The following KLHL29 variants were observed in gnomAD, a reference collection of about 807,000 sequenced individuals.
The protein encoded by KLHL29 is kelch like family member 29.
In KLHL29, 21 loss-of-function variants were observed where a neutral mutation model predicts 80.4. That is an observed-to-expected ratio of 0.26 (90% CI 0.19 to 0.38). The LOEUF (loss-of-function observed/expected upper bound fraction) is 0.38, where lower values mean the gene tolerates loss of function less well. KLHL29 is among the 10% of genes least tolerant of loss of function. The pLI is 1.00. For missense variants in KLHL29, 867 were observed against 1,223.9 expected (o/e 0.71, Z 4.35); for synonymous variants, 511 against 526.8 (o/e 0.97, Z 0.41).
intron 1 of KLHL29, among the ~76,000 whole-genome samples, chr2:23,397,523 C>T (rs951049734): frequency 6.6e-6 from 1 of 152,178 alleles, no homozygotes; most frequent in African/African-American, 2.4e-5. Flanking sequence ...GCCTGGTCTC[C>T]GGAAACATTT....
intron 5 of KLHL29, among the ~76,000 whole-genome samples, chr2:23,648,991 T>C (rs564378466): frequency 8.5e-5 from 13 of 152,366 alleles, no homozygotes; most frequent in African/African-American, 3.1e-4. Context: ...ATAATGTATG[T>C]AAAGTCTTAA....
At chr2:23,538,935 T>G (rs1441486847) in intron 2 of KLHL29, among the ~76,000 whole-genome samples, 1 of 152,264 alleles carries the variant, frequency 6.6e-6, no homozygotes, top group Non-Finnish European at 1.5e-5. Flanking sequence ...TTCAGAATTG[T>G]TCTTTAAAAA....
chr2:23,700,791 C>T lies in KLHL29; in HGVS notation c.2106-2395C>T, dbSNP rs1267484246. Among the ~76,000 whole-genome samples, 2 of 152,312 alleles carry T rather than the reference C, an allele frequency of 1.3e-5. No homozygotes were observed. The highest frequency in any genetic ancestry group is 3.9e-4 in the East Asian group (2 of 5,182). On this transcript the variant is annotated intron_variant, in intron 11 of 13. Coordinates refer to ENST00000486442, the MANE Select transcript of KLHL29 (RefSeq NM_052920.2). The surrounding 1 kb of genome is among the most constrained non-coding windows in gnomAD (Gnocchi z 4.6). ...AGTGCCCTTGACTACAGAGCAGTGG[C>T]CTGCTGGAGATTCCATCCTCCATCC...
intron 5 of KLHL29, among the ~76,000 whole-genome samples, chr2:23,665,630 C>T (rs999425761): frequency 2.0e-5 from 3 of 152,314 alleles, no homozygotes; most frequent in African/African-American, 7.2e-5. Flanking sequence ...GGAAGCATGG[C>T]ACCAGCATCT....
chr2:23,673,652 A>G (rs1670838221), intron 5 of KLHL29, among the ~76,000 whole-genome samples: 2 of 150,894 alleles, frequency 1.3e-5, no homozygotes, highest in African/African-American at 2.4e-5. Flanking sequence ...ACACCCCTAC[A>G]CAGACACATA....
rs554411094 is a variant in KLHL29, at chr2:23,421,776, A to G, written c.-154+35996A>G. ...CATGTGTGTGTGTGTGTCTGTGTGC[A>G]TATGTGTTCATACATCTGTGTGTGT... On this transcript the variant is annotated intron_variant, in intron 1 of 13. Coordinates refer to ENST00000486442, the MANE Select transcript of KLHL29 (RefSeq NM_052920.2). Among the ~76,000 whole-genome samples the G allele has an allele frequency of 4.1e-5, 6 of 147,254 alleles. No individual in the cohort carries two copies. In the East Asian group the frequency reaches 8.3e-4, roughly 20 times the overall value.
chr2:23,704,242 TC>T (rs1230920403), intron 13 of KLHL29, among the ~76,000 whole-genome samples: 1 of 152,154 alleles, frequency 6.6e-6, no homozygotes, highest in Non-Finnish European at 1.5e-5. Context: ...ACAAGTGACT[TC>T]TTGGGGGAAT....
intron 2 of KLHL29, among the ~76,000 whole-genome samples, chr2:23,544,541 A>G (rs901960277): frequency 6.6e-6 from 1 of 152,184 alleles, no homozygotes; most frequent in African/African-American, 2.4e-5. Context: ...GGGAACTCAC[A>G]CTCCAGAGAG....
chr2:23,653,433 C>T (rs1193551951), intron 5 of KLHL29, among the ~76,000 whole-genome samples: 1 of 152,214 alleles, frequency 6.6e-6, no homozygotes, highest in African/African-American at 2.4e-5. Flanking sequence ...AGCTCTTAAG[C>T]CTCTCCAAGC....
intron 1 of KLHL29, among the ~76,000 whole-genome samples, chr2:23,426,858 C>T (rs1048809959): frequency 2.6e-5 from 4 of 152,170 alleles, no homozygotes; most frequent in African/African-American, 4.8e-5. Context: ...ATACAGTCTG[C>T]CATGAGGGTG....
chr2:23,671,396 C>T (rs1388847016), intron 5 of KLHL29, among the ~76,000 whole-genome samples: 1 of 151,998 alleles, frequency 6.6e-6, no homozygotes, highest in Non-Finnish European at 1.5e-5. Context: ...GCTGACTTTC[C>T]CAAAGCCGTA....
At chr2:23,506,285 A>C (rs1341761583) in intron 2 of KLHL29, among the ~76,000 whole-genome samples, 1 of 152,166 alleles carries the variant, frequency 6.6e-6, no homozygotes, top group East Asian at 1.9e-4. Flanking sequence ...CGCGAAGTTG[A>C]AGGCACAGGA....
At chr2:23,388,949 C>T (rs1165579152) in intron 1 of KLHL29, among the ~76,000 whole-genome samples, 1 of 149,044 alleles carries the variant, frequency 6.7e-6, no homozygotes, top group African/African-American at 2.5e-5. Flanking sequence ...TCCTTCCTTC[C>T]TCCTTTTTGC....
intron 3 of KLHL29, among the ~76,000 whole-genome samples, chr2:23,590,357 C>G (rs540376058): frequency 4.6e-5 from 7 of 152,320 alleles, no homozygotes; most frequent in South Asian, 2.1e-4. Context: ...AGGTCCTTCT[C>G]CCTGCTGTTT....
chr2:23,650,140 G>A (rs58984423), intron 5 of KLHL29, among the ~76,000 whole-genome samples: 17,747 of 152,270 alleles, frequency 0.12, 1,235 homozygotes, highest in East Asian at 0.27. Context: ...TGGGAGAGAG[G>A]TGCAAGTCTG....
intron 2 of KLHL29, among the ~76,000 whole-genome samples, chr2:23,494,076 T>C (rs1665185532): frequency 6.6e-6 from 1 of 152,188 alleles, no homozygotes; most frequent in Admixed American, 6.5e-5. Flanking sequence ...GAATACAAAT[T>C]ATAATAGTTG....
chr2:23,523,342 A>G (rs763018527), intron 2 of KLHL29, among the ~76,000 whole-genome samples: 4 of 152,374 alleles, frequency 2.6e-5, no homozygotes, highest in African/African-American at 7.2e-5. Context: ...AGCAAAGGAC[A>G]TAAATACTAA....
At chr2:23,604,283 G>A (rs1444879069) in intron 3 of KLHL29, among the ~76,000 whole-genome samples, 1 of 143,326 alleles carries the variant, frequency 7.0e-6, no homozygotes, top group Non-Finnish European at 1.5e-5. Flanking sequence ...TTTTAGTTGA[G>A]ACGGGGTTTC....
At chr2:23,567,398 G>A (rs529529816) in intron 3 of KLHL29, among the ~76,000 whole-genome samples, 2 of 152,346 alleles carry the variant, frequency 1.3e-5, no homozygotes, top group South Asian at 4.1e-4. Context: ...GGGAAGCAGA[G>A]CGACTTCGCC....
Sources: allele counts gnomAD v4.1 joint callset (sites outside exome capture counted in the v4.1 genomes callset), GRCh38; gene constraint gnomAD v4.1.1; non-coding constraint Gnocchi (gnomAD v3.1); transcripts MANE v1.5; gene names NCBI Gene and HGNC (gene_info 2026-07-23, HGNC 2026-07-21).